LRRC37B: variants seen among roughly 807,000 people sequenced by gnomAD.
The protein encoded by LRRC37B is leucine rich repeat containing 37B.
In LRRC37B, 28 loss-of-function variants were observed where a neutral mutation model predicts 98.3. The observed-to-expected ratio is 0.28, with a 90% CI of 0.21 to 0.39. LRRC37B has a LOEUF of 0.39. Ranked by LOEUF, LRRC37B falls within the 10% of genes least tolerant of loss-of-function variation. The pLI, the probability that LRRC37B is intolerant of heterozygous loss-of-function variation, is 1.00. For synonymous variants in LRRC37B, 364 were observed against 442.7 expected (o/e 0.82, Z 2.23); for missense variants, 938 against 1,182.7 (o/e 0.79, Z 3.03).
intron 3 of LRRC37B, chr17:32,029,084 C>T (rs1318974685): frequency 6.6e-6 from 1 of 152,094 alleles, no homozygotes; most frequent in Admixed American, 6.6e-5. Flanking sequence ...TCACCACAAG[C>T]TCTGCCTCCC....
At chr17:32,009,071 G>T (rs1419347403) in intron 1 of LRRC37B, among the ~76,000 whole-genome samples, 6 of 151,978 alleles carry the variant, frequency 3.9e-5, no homozygotes, top group Non-Finnish European at 1.5e-5. Context: ...AGTTCCGGTT[G>T]CCCTGTATCC....
chr17:32,009,543 G>C (rs1219817202), intron 1 of LRRC37B, among the ~76,000 whole-genome samples: 1 of 152,240 alleles, frequency 6.6e-6, no homozygotes, highest in Non-Finnish European at 1.5e-5. Flanking sequence ...AAAGTGCTGA[G>C]ATGACAGGCA....
chr17:32,009,339 G>A (rs1244825962), intron 1 of LRRC37B, among the ~76,000 whole-genome samples: 2 of 151,790 alleles, frequency 1.3e-5, no homozygotes, highest in Non-Finnish European at 2.9e-5. Context: ...ACCACTCACT[G>A]CAGCCTCCAC....
At chr17:32,038,359 T>C (rs1358522270) in intron 7 of LRRC37B, among the ~76,000 whole-genome samples, 1 of 151,918 alleles carries the variant, frequency 6.6e-6, no homozygotes, top group Non-Finnish European at 1.5e-5. Context: ...CACGGGAAGC[T>C]GAGGTGGGAG....
chr17:32,047,796 T>C lies in LRRC37B; in HGVS notation c.2359T>C (p.Phe787Leu), dbSNP rs372179799. ...ATCTGTAGGGAATCCAGAAGGAGCG[T>C]TCATGAAGATGTTACAAGCCCGGAA... The change falls in exon 9 of 12, where the codon TTC becomes CTC. Residue 787 changes from phenylalanine to leucine, a missense_variant. By Grantham distance (22) the Phe-to-Leu change is conservative. Transcript: ENST00000327564. 35 of 1,614,006 alleles carry C rather than the reference T, an allele frequency of 2.2e-5. No individual in the cohort carries two copies. The African/African-American group carries it at 3.9e-4, about 18-fold the overall frequency.
At chr17:32,027,345 TTGCTTGTGTGTGTGTGCTTGTGTGTG>T (rs1910984816) in intron 2 of LRRC37B, among the ~76,000 whole-genome samples, 2 of 150,138 alleles carry the variant, frequency 1.3e-5, no homozygotes, top group Non-Finnish European at 3.0e-5. Context: ...ACGTGTGTGC[TTGCTTGTGTGTGTGTGCTTGTGTGTG>T]TGCTTGTGTG....
At chr17:32,043,525 C>T (rs1458077586) in intron 7 of LRRC37B, among the ~76,000 whole-genome samples, 2 of 152,250 alleles carry the variant, frequency 1.3e-5, no homozygotes, top group Non-Finnish European at 2.9e-5. Context: ...TGCACCACTG[C>T]ACTCAACCTG....
chr17:32,041,838 G>C, intron 7 of LRRC37B: 1 of 459,090 alleles, frequency 2.2e-6, no homozygotes, highest in Non-Finnish European at 4.4e-6. Flanking sequence ...CAACACTAAG[G>C]TGCTCTCAGA....
upstream of LRRC37B, among the ~76,000 whole-genome samples, chr17:32,019,415 A>T (rs1023937351): frequency 6.6e-6 from 1 of 152,226 alleles, no homozygotes; most frequent in Non-Finnish European, 1.5e-5. Flanking sequence ...GTGTAAGTAT[A>T]CACTATGATG....
Position 32,024,729 on chromosome 17 carries a change from T to C in LRRC37B, c.1779T>C (p.Tyr593=), listed in dbSNP as rs144144091. Reference sequence around the variant, plus strand: ...TTTGCAGAAATTTCCAAGGAAACTATATTTCATACCTTGATGGAAATGTAT... The same window carrying C: ...TTTGCAGAAATTTCCAAGGAAACTACATTTCATACCTTGATGGAAATGTAT... The change falls in exon 2 of 12, where the codon TAT becomes TAC. Residue 593 remains tyrosine, a synonymous_variant. Coordinates refer to ENST00000327564, the Ensembl canonical transcript of LRRC37B. 39 of 1,607,312 alleles carry C rather than the reference T, an allele frequency of 2.4e-5. No homozygotes were observed. The African/African-American group carries it at 4.9e-4, about 20-fold the overall frequency.
chr17:32,043,205 C>T lies in LRRC37B; in HGVS notation c.2205-2495C>T, dbSNP rs374904143. 1.1e-4 allele frequency among the ~76,000 whole-genome samples: 16 copies of T among 152,198 alleles called. 1 individual carries two copies. The East Asian group carries it at 2.5e-3, about 24-fold the overall frequency. Reference sequence around the variant, plus strand: ...GTGTTCATTATACCATTTGAAAATGCTTCCTAGCCATCCTAAGCCTTAAAG... The same window carrying T: ...GTGTTCATTATACCATTTGAAAATGTTTCCTAGCCATCCTAAGCCTTAAAG... On this transcript the variant is annotated intron_variant, in intron 7 of 11. Coordinates refer to ENST00000327564, the Ensembl canonical transcript of LRRC37B.
upstream of LRRC37B, chr17:32,007,878 G>C (rs1417498598): frequency 5.6e-6 from 6 of 1,067,002 alleles, no homozygotes; most frequent in Non-Finnish European, 7.0e-6. The surrounding 1 kb of genome is among the most constrained non-coding windows in gnomAD (Gnocchi z 4.1). Flanking sequence ...GCCCGGCGGG[G>C]GCGCGGGGGC....
At position 32,042,181 on chromosome 17, in the gene LRRC37B, A is replaced by G. The variant is rs1434343570; in HGVS notation, c.2205-3519A>G. 4 of 267,708 alleles carry G rather than the reference A, an allele frequency of 1.5e-5. No individual in the cohort carries two copies. In the East Asian group the frequency reaches 4.3e-4, roughly 29 times the overall value. The allele number at this position is 267,708 out of a possible 1,614,324, so 16.6% of individuals were successfully genotyped here. On this transcript the variant is annotated intron_variant, in intron 7 of 11. Coordinates refer to ENST00000327564, the Ensembl canonical transcript of LRRC37B. ...TGGGATCTGCCCCACCTTCCCCCCC[A>G]TACTGCTCCCCTCAACCAGGACAGA...
intron 10 of LRRC37B, among the ~76,000 whole-genome samples, chr17:32,049,632 C>T (rs1386780182): frequency 4.6e-5 from 7 of 152,042 alleles, no homozygotes; most frequent in Admixed American, 6.6e-5. Context: ...TTTGGGAGGC[C>T]GAGGTGGGTG....
chr17:32,018,830 G>A (rs1261134161), upstream of LRRC37B, among the ~76,000 whole-genome samples: 1 of 152,158 alleles, frequency 6.6e-6, no homozygotes, highest in African/African-American at 2.4e-5. Context: ...ACAATCACGT[G>A]CTGCAAAATG....
At chr17:32,015,274 C>T (rs1230360539) in intron 1 of LRRC37B, among the ~76,000 whole-genome samples, 3 of 152,176 alleles carry the variant, frequency 2.0e-5, no homozygotes, top group African/African-American at 7.2e-5. Flanking sequence ...GACACTATTC[C>T]ACATCAAAAG....
At chr17:32,041,098 A>G (rs769749362) in intron 7 of LRRC37B, 6 of 767,000 alleles carry the variant, frequency 7.8e-6, no homozygotes, top group African/African-American at 3.4e-5. Context: ...CTGAACTACC[A>G]CTGGCAGGCC....
chr17:32,011,904 A>G (rs2142234924), intron 1 of LRRC37B, among the ~76,000 whole-genome samples: 1 of 152,228 alleles, frequency 6.6e-6, no homozygotes, highest in South Asian at 2.1e-4. Flanking sequence ...TTACTCTTTG[A>G]CCCATGATTT....
chr17:32,033,984 T>TAGCTGTC, intron 5 of LRRC37B: 1 of 152,290 alleles, frequency 6.6e-6, no homozygotes, highest in South Asian at 2.1e-4. Flanking sequence ...AAGGAGCTGA[T>TAGCTGTC]AGCCCAGGAG....
Sources: allele counts gnomAD v4.1 joint callset (sites outside exome capture counted in the v4.1 genomes callset), GRCh38; gene constraint gnomAD v4.1.1; non-coding constraint Gnocchi (gnomAD v3.1); transcripts MANE v1.5; gene names NCBI Gene and HGNC (gene_info 2026-07-23, HGNC 2026-07-21).